TNNI3K: variants seen among roughly 807,000 people sequenced by gnomAD.
TNNI3K encodes the protein TNNI3 interacting kinase.
TNNI3K carries 140 observed loss-of-function variants against 114.5 expected under a neutral mutation model. That is an observed-to-expected ratio of 1.22 (90% CI 1.07 to 1.41). TNNI3K has a LOEUF of 1.41. TNNI3K is among the 40% of genes most tolerant of loss of function. The pLI, the probability that TNNI3K is intolerant of heterozygous loss-of-function variation, is 0.00. For missense variants in TNNI3K, 1,125 were observed against 1,007.6 expected, an observed-to-expected ratio of 1.12 and a Z score of -1.58; for synonymous variants, 347 against 347.5, an observed-to-expected ratio of 1.00 and a Z score of 0.02.
chr1:74,348,472 G>A (rs1429051422), intron 9 of TNNI3K, among the ~76,000 whole-genome samples: 1 of 152,154 alleles, frequency 6.6e-6, no homozygotes, highest in East Asian at 1.9e-4. Flanking sequence ...GATTGACTTG[G>A]CAATGCGGGC....
chr1:74,240,499 T>C (rs550482483), intron 2 of TNNI3K: 3 of 152,244 alleles, frequency 2.0e-5, no homozygotes, highest in Non-Finnish European at 2.9e-5. Context: ...TACCTAGGAT[T>C]GCATCCATCT....
rs45596933 is a variant in TNNI3K, at chr1:74,496,122, G to C, written c.2351+3856G>C. Among the ~76,000 whole-genome samples, 1,385 of 152,260 alleles carry C rather than the reference G, an allele frequency of 9.1e-3. 24 individuals carry two copies. The highest frequency in any genetic ancestry group is 0.032 in the African/African-American group (1,340 of 41,552). ...GGGGTTGGCACCCAGGCATCAGAAT[G>C]CTTTAAAGTTCCCCAGGTGATTCCA... On this transcript the variant is annotated intron_variant, in intron 23 of 24. Transcript: ENST00000326637.
chr1:74,281,021 C>T (rs559575073), intron 5 of TNNI3K, among the ~76,000 whole-genome samples: 1 of 152,296 alleles, frequency 6.6e-6, no homozygotes, highest in African/African-American at 2.4e-5. Flanking sequence ...CGGAAGCCCT[C>T]TCCTGATTCC....
chr1:74,494,961 C>T (rs1669252610), intron 23 of TNNI3K, among the ~76,000 whole-genome samples: 1 of 152,104 alleles, frequency 6.6e-6, no homozygotes, highest in Non-Finnish European at 1.5e-5. Context: ...CCCAGTTAGG[C>T]AAATGAAGGG....
intron 5 of TNNI3K, among the ~76,000 whole-genome samples, chr1:74,318,194 T>C (rs1659422968): frequency 6.6e-6 from 1 of 152,224 alleles, no homozygotes; most frequent in Non-Finnish European, 1.5e-5. Flanking sequence ...GCTTCATACA[T>C]TTAACCCATT....
At chr1:74,495,013 T>G (rs1162599365) in intron 23 of TNNI3K, among the ~76,000 whole-genome samples, 4 of 152,204 alleles carry the variant, frequency 2.6e-5, no homozygotes, top group African/African-American at 9.6e-5. Context: ...AATCTAGAGA[T>G]GTATACCACT....
At chr1:74,405,354 A>G (rs956427018) in intron 17 of TNNI3K, among the ~76,000 whole-genome samples, 2 of 152,332 alleles carry the variant, frequency 1.3e-5, no homozygotes, top group African/African-American at 4.8e-5. Context: ...GTTTAAACCA[A>G]GCAAATGAGT....
intron 23 of TNNI3K, among the ~76,000 whole-genome samples, chr1:74,528,818 C>T (rs924631309): frequency 6.6e-6 from 1 of 152,178 alleles, no homozygotes; most frequent in Admixed American, 6.5e-5. Context: ...GCACCTTGAT[C>T]CTCATTTCCA....
At position 74,442,062 on chromosome 1, in the gene TNNI3K, T is replaced by TA. The variant is rs1438991797; in HGVS notation, c.2011+2441dup. Among the ~76,000 whole-genome samples, 3 of 152,192 alleles carry TA rather than the reference T, an allele frequency of 2.0e-5. No individual in the cohort carries two copies. In the East Asian group the frequency reaches 5.8e-4, roughly 29 times the overall value. ...CATAAAAACTTCCCCCTATTTTTTTTATAGAAGTCTTACAGGTTTAGGTTT... is the reference window on the plus strand; with the variant it reads ...CATAAAAACTTCCCCCTATTTTTTTTAATAGAAGTCTTACAGGTTTAGGTTT... On this transcript the variant is annotated intron_variant, in intron 20 of 24. Transcript: ENST00000326637.
intron 17 of TNNI3K, among the ~76,000 whole-genome samples, chr1:74,415,041 A>G (rs1349198058): frequency 6.6e-6 from 1 of 152,202 alleles, no homozygotes; most frequent in East Asian, 1.9e-4. Flanking sequence ...GTCCCTGTGA[A>G]AACTCTGACA....
rs76419674 is a variant in TNNI3K at position 74,343,121 on chromosome 1, A to G, written c.874A>G (p.Ile292Val). 2.6e-4 allele frequency: 420 copies of G among 1,613,490 alleles called. 1 individual carries two copies. The African/African-American group carries it at 5.0e-3, about 19-fold the overall frequency. ...KFEVAKEIIQ[I>V]SGTESLTKEN... ...TGAAGTTGCCAAGGAAATCATCCAA[A>G]TATCAGGAACAGAAAGTCTGACTAA... Residue 292 changes from isoleucine to valine, a missense_variant, in exon 9 of 25, where the codon ATA becomes GTA. Coordinates refer to ENST00000326637, the MANE Select transcript of TNNI3K (RefSeq NM_015978.3).
chr1:74,466,741 A>G (rs1667697409), intron 21 of TNNI3K, among the ~76,000 whole-genome samples: 1 of 152,156 alleles, frequency 6.6e-6, no homozygotes, highest in South Asian at 2.1e-4. Flanking sequence ...ATTGTCCAGT[A>G]AGGTCTTCAT....
At chr1:74,389,938 G>A (rs1663678200) in intron 17 of TNNI3K, among the ~76,000 whole-genome samples, 1 of 152,020 alleles carries the variant, frequency 6.6e-6, no homozygotes, top group African/African-American at 2.4e-5. Flanking sequence ...TAAGAGAAAA[G>A]GGACAATTTT....
At chr1:74,254,698 G>A (rs1409100712) in intron 4 of TNNI3K, among the ~76,000 whole-genome samples, 2 of 152,250 alleles carry the variant, frequency 1.3e-5, no homozygotes, top group African/African-American at 4.8e-5. Context: ...AAGGGGTCCC[G>A]ATCCAGGCCT....
chr1:74,276,401 CAA>C (rs1656689252), intron 5 of TNNI3K, among the ~76,000 whole-genome samples: 1 of 151,964 alleles, frequency 6.6e-6, no homozygotes. Context: ...TTGAAGGAAA[CAA>C]AGAATTGCTC....
chr1:74,258,709 C>T (rs1026498742), intron 4 of TNNI3K, among the ~76,000 whole-genome samples: 1 of 152,158 alleles, frequency 6.6e-6, no homozygotes, highest in Non-Finnish European at 1.5e-5. Context: ...AAATATGAGA[C>T]TCAAGATCCC....
At chr1:74,348,040 G>C (rs1661116415) in intron 9 of TNNI3K, among the ~76,000 whole-genome samples, 1 of 152,284 alleles carries the variant, frequency 6.6e-6, no homozygotes, top group African/African-American at 2.4e-5. Flanking sequence ...TGTTGTCATT[G>C]CTTTTGGTGT....
chr1:74,298,908 G>T (rs45437092), intron 5 of TNNI3K, among the ~76,000 whole-genome samples: 3 of 152,074 alleles, frequency 2.0e-5, no homozygotes, highest in Admixed American at 6.5e-5. Flanking sequence ...TAAGATACCA[G>T]TTGGCAGATT....
chr1:74,280,679 C>T (rs1656959710), intron 5 of TNNI3K, among the ~76,000 whole-genome samples: 1 of 152,182 alleles, frequency 6.6e-6, no homozygotes, highest in Non-Finnish European at 1.5e-5. Context: ...GCAGTAGGAA[C>T]CTGACTTCCA....
Sources: gnomAD v4.1 joint callset for allele counts (sites outside exome capture counted in the v4.1 genomes callset) on GRCh38, gnomAD v4.1.1 for gene constraint, MANE v1.5 for transcripts, NCBI Gene and HGNC (gene_info 2026-07-23, HGNC 2026-07-21) for gene names.